The following TMEM163 variants were observed in gnomAD, a reference collection of about 807,000 sequenced individuals.
The protein encoded by TMEM163 is transmembrane protein 163.
Under a neutral mutation model 29.3 loss-of-function variants are expected in TMEM163, and 17 were observed. The observed-to-expected ratio is 0.58, with a 90% CI of 0.40 to 0.87. The LOEUF (loss-of-function observed/expected upper bound fraction) is 0.87, where lower values mean the gene tolerates loss of function less well. Among genes scored for constraint, TMEM163 ranks in the 40% least tolerant of loss-of-function variants. The pLI, the probability that TMEM163 is intolerant of heterozygous loss-of-function variation, is 0.00. For synonymous variants in TMEM163, 157 were observed against 160.6 expected (o/e 0.98, Z 0.17); for missense variants, 303 against 381.5 (o/e 0.79, Z 1.71).
intron 2 of TMEM163, among the ~76,000 whole-genome samples, chr2:134,660,802 T>C (rs1683730064): frequency 6.6e-6 from 1 of 152,186 alleles, no homozygotes; most frequent in African/African-American, 2.4e-5. Context: ...AAGAGCTCAG[T>C]ATATTGCTCA....
At chr2:134,532,558 G>C (rs1033174462) in intron 4 of TMEM163, among the ~76,000 whole-genome samples, 1 of 152,224 alleles carries the variant, frequency 6.6e-6, no homozygotes, top group African/African-American at 2.4e-5. Flanking sequence ...TCCTGAACAT[G>C]CTTGCTACTG....
At chr2:134,625,098 A>T (rs897993162) in intron 2 of TMEM163, among the ~76,000 whole-genome samples, 1 of 152,150 alleles carries the variant, frequency 6.6e-6, no homozygotes, top group African/African-American at 2.4e-5. Context: ...CATATGCTGT[A>T]TATGTGGGTA....
At chr2:134,507,012 T>C (rs979392175) in intron 4 of TMEM163, among the ~76,000 whole-genome samples, 1 of 152,048 alleles carries the variant, frequency 6.6e-6, no homozygotes, top group Admixed American at 6.5e-5. Flanking sequence ...CCCTTCAGCA[T>C]AATCCCCCAG....
intron 2 of TMEM163, among the ~76,000 whole-genome samples, chr2:134,627,942 T>C (rs935851751): frequency 2.6e-5 from 4 of 152,200 alleles, no homozygotes; most frequent in African/African-American, 7.2e-5. Context: ...CATATAAAAA[T>C]GTATAATCTA....
chr2:134,695,579 A>C (rs1230599517), intron 2 of TMEM163, among the ~76,000 whole-genome samples: 1 of 152,114 alleles, frequency 6.6e-6, no homozygotes, highest in Non-Finnish European at 1.5e-5. Context: ...TACCTGAAAA[A>C]AGTTAACCCA....
chr2:134,482,133 T>C (rs1460463860), intron 5 of TMEM163, among the ~76,000 whole-genome samples: 4 of 152,222 alleles, frequency 2.6e-5, no homozygotes, highest in African/African-American at 4.8e-5. Flanking sequence ...CAAGTTTCTC[T>C]GTCCTCGCCA....
At chr2:134,575,244 C>T (rs1171863174) in intron 2 of TMEM163, among the ~76,000 whole-genome samples, 1 of 152,042 alleles carries the variant, frequency 6.6e-6, no homozygotes, top group East Asian at 1.9e-4. Context: ...AGATGGTTGG[C>T]CTTGATTTTT....
Position 134,456,780 on chromosome 2 carries a change from C to T in TMEM163, c.810-4G>A. ...CGGCACCATGTCGATGAGGAGTCTG[C>T]AAAGACGAAGACAGACAAGGTCACC... is the stretch of plus-strand genomic sequence containing the variant. On this transcript the variant is annotated splice_region_variant and splice_polypyrimidine_tract_variant and intron_variant, in intron 7 of 7. Coordinates refer to ENST00000281924, the MANE Select transcript of TMEM163 (RefSeq NM_030923.5). 1 of 1,613,312 alleles carries T rather than the reference C, an allele frequency of 6.2e-7. No homozygotes were observed. Among genetic ancestry groups the T allele is most frequent in the South Asian group, 1.1e-5 (1 of 90,780 alleles).
chr2:134,639,227 T>C (rs993898102), intron 2 of TMEM163, among the ~76,000 whole-genome samples: 1 of 151,800 alleles, frequency 6.6e-6, no homozygotes, highest in East Asian at 1.9e-4. Context: ...AAAATCAGAG[T>C]GGATTTTTCA....
intron 2 of TMEM163, among the ~76,000 whole-genome samples, chr2:134,665,435 A>G (rs969362851): frequency 2.0e-5 from 3 of 152,092 alleles, no homozygotes; most frequent in Admixed American, 6.5e-5. Context: ...CCATGATTCA[A>G]TTACCTCCTA....
Position 134,677,960 on chromosome 2 carries a change from G to A in TMEM163, c.322+35240C>T, listed in dbSNP as rs181511200. Among the ~76,000 whole-genome samples the A allele has an allele frequency of 5.9e-5, 9 of 152,236 alleles. No individual in the cohort carries two copies. In the East Asian group the frequency reaches 1.2e-3, roughly 20 times the overall value. ...CTCTGGCCAGGAGACACCCCTCCAC[G>A]TTCCAGTAAGCCCACCCGCAGCCAA... On this transcript the variant is annotated intron_variant, in intron 2 of 7. Transcript: ENST00000281924.
At chr2:134,553,549 C>T (rs190826803) in intron 2 of TMEM163, among the ~76,000 whole-genome samples, 45 of 152,366 alleles carry the variant, frequency 3.0e-4, no homozygotes, top group African/African-American at 1.0e-3. Flanking sequence ...GGGAAAGCCA[C>T]AGCGCTGGGG....
chr2:134,614,974 G>T (rs1378316949), intron 2 of TMEM163, among the ~76,000 whole-genome samples: 2 of 151,920 alleles, frequency 1.3e-5, no homozygotes, highest in Non-Finnish European at 2.9e-5. Context: ...CCTAGAATAC[G>T]TAAGAAATGA....
At chr2:134,610,337 G>C (rs1292879175) in intron 2 of TMEM163, among the ~76,000 whole-genome samples, 2 of 152,164 alleles carry the variant, frequency 1.3e-5, no homozygotes, top group Non-Finnish European at 2.9e-5. Context: ...GTGCCTGCTG[G>C]CCAGCTCCAA....
At chr2:134,462,093 C>T (rs1313900569) in intron 6 of TMEM163, among the ~76,000 whole-genome samples, 1 of 152,172 alleles carries the variant, frequency 6.6e-6, no homozygotes, top group African/African-American at 2.4e-5. Flanking sequence ...AGCAGGGGAT[C>T]GAAGGGCCAC....
intron 5 of TMEM163, among the ~76,000 whole-genome samples, chr2:134,490,066 A>C (rs543695445): frequency 6.6e-6 from 1 of 152,362 alleles, no homozygotes; most frequent in African/African-American, 2.4e-5. Flanking sequence ...TTTGCTGAAC[A>C]GCGAGTCTAG....
In TMEM163 at chr2:134,456,730, CGTA is replaced by C. The variant is rs1686405157; in HGVS notation, c.853_855del (p.Tyr285del). ...GCTGGCCCCCTTCACTCAAACATCT[CGTA>C]GTGACGTGTCTGCCTCACCCTCGGC... On this transcript the variant is annotated inframe_deletion, in exon 8 of 8. Coordinates refer to ENST00000281924, the MANE Select transcript of TMEM163 (RefSeq NM_030923.5). 1 of 1,613,936 alleles carries C rather than the reference CGTA, an allele frequency of 6.2e-7. No individual in the cohort carries two copies.
intron 2 of TMEM163, among the ~76,000 whole-genome samples, chr2:134,695,476 A>G (rs1684558823): frequency 6.6e-6 from 1 of 152,088 alleles, no homozygotes; most frequent in South Asian, 2.1e-4. Flanking sequence ...CATACATTAT[A>G]AATCCCTAAG....
intron 5 of TMEM163, among the ~76,000 whole-genome samples, chr2:134,490,899 A>G (rs914278152): frequency 1.3e-5 from 2 of 152,188 alleles, no homozygotes; most frequent in Non-Finnish European, 2.9e-5. Context: ...GATTCTCTCC[A>G]TTAGCTAGAC....
Sources: allele counts gnomAD v4.1 joint callset (sites outside exome capture counted in the v4.1 genomes callset), GRCh38; gene constraint gnomAD v4.1.1; transcripts MANE v1.5; gene names NCBI Gene and HGNC (gene_info 2026-07-23, HGNC 2026-07-21).